ZNF131: variants seen among roughly 807,000 people sequenced by gnomAD.
ZNF131 encodes the protein zinc finger and BTB domain containing 35.
In ZNF131, 7 loss-of-function variants were observed where a neutral mutation model predicts 60.0. That is an observed-to-expected ratio of 0.12 (90% CI 0.07 to 0.22). ZNF131 has a LOEUF of 0.22. Ranked by LOEUF, ZNF131 falls within the 10% of genes least tolerant of loss-of-function variation. ZNF131 has a pLI of 1.00. For synonymous variants in ZNF131, 257 were observed against 253.2 expected, an observed-to-expected ratio of 1.01 and a Z score of -0.14; for missense variants, 493 against 740.9, an observed-to-expected ratio of 0.67 and a Z score of 3.88.
At chr5:43,130,199 G>A (rs977877214) in intron 3 of ZNF131, among the ~76,000 whole-genome samples, 1 of 146,056 alleles carries the variant, frequency 6.8e-6, no homozygotes, top group African/African-American at 2.5e-5. Context: ...GAGAGGTGGA[G>A]ATTGCAGTGA....
At chr5:43,144,373 C>T (rs1305214165) in intron 4 of ZNF131, among the ~76,000 whole-genome samples, 1 of 149,986 alleles carries the variant, frequency 6.7e-6, no homozygotes, top group Non-Finnish European at 1.5e-5. Flanking sequence ...GGATTATAGG[C>T]GCTCACCACC....
chr5:43,143,014 T>G (rs34205479), intron 4 of ZNF131, among the ~76,000 whole-genome samples: 13,493 of 151,444 alleles, frequency 0.089, 802 homozygotes, highest in East Asian at 0.18. Flanking sequence ...TTTCTTTTTT[T>G]AATCTTTCAA....
chr5:43,145,172 G>A (rs1032098706), intron 4 of ZNF131, among the ~76,000 whole-genome samples: 3 of 151,898 alleles, frequency 2.0e-5, no homozygotes, highest in South Asian at 2.1e-4. Flanking sequence ...TGTCCATTCC[G>A]TCATAAGCCT....
intron 3 of ZNF131, among the ~76,000 whole-genome samples, chr5:43,128,656 C>CA (rs1170687481): frequency 0.018 from 1,285 of 69,868 alleles, 38 homozygotes; most frequent in African/African-American, 0.057. Flanking sequence ...GACTCCATCT[C>CA]AAAAAAAAAA....
chr5:43,164,625 A>G (rs1218917104), intron 5 of ZNF131, among the ~76,000 whole-genome samples: 2 of 152,160 alleles, frequency 1.3e-5, no homozygotes, highest in Admixed American at 1.3e-4. Context: ...AACATTGCCT[A>G]CTGACTTTTA....
At chr5:43,150,742 A>T (rs1362919343) in intron 4 of ZNF131, among the ~76,000 whole-genome samples, 2 of 152,054 alleles carry the variant, frequency 1.3e-5, no homozygotes, top group Non-Finnish European at 2.9e-5. Flanking sequence ...GCGCCATTGC[A>T]CTCTGGCTTG....
intron 4 of ZNF131, 92 bp from the exon 5 acceptor site, chr5:43,161,157 T>C: frequency 8.6e-7 from 1 of 1,164,418 alleles, no homozygotes. Context: ...TAACTGTTTA[T>C]ATAAATTTTA....
chr5:43,136,650 C>CTTTTTTT (rs139991070), intron 3 of ZNF131, among the ~76,000 whole-genome samples: 2 of 122,528 alleles, frequency 1.6e-5, no homozygotes, highest in Admixed American at 9.3e-5. Flanking sequence ...TTTTCTTTTT[C>CTTTTTTT]TTTTTTTTTT....
intron 5 of ZNF131, among the ~76,000 whole-genome samples, chr5:43,164,829 AC>A (rs1336124547): frequency 1.3e-5 from 2 of 152,226 alleles, no homozygotes; most frequent in African/African-American, 4.8e-5. Flanking sequence ...TGAACCATAT[AC>A]CCATTGGAGG....
chr5:43,147,537 C>A (rs1425734915), intron 4 of ZNF131, among the ~76,000 whole-genome samples: 1 of 151,448 alleles, frequency 6.6e-6, no homozygotes, highest in East Asian at 1.9e-4. Flanking sequence ...CCTGCCTCAG[C>A]CTCCGGAGTA....
intron 3 of ZNF131, among the ~76,000 whole-genome samples, chr5:43,128,682 C>T (rs545258172): frequency 2.1e-4 from 30 of 144,032 alleles, no homozygotes; most frequent in African/African-American, 7.2e-4. Context: ...AAAAAACACA[C>T]CTGGGGTGCT....
chr5:43,165,401 T>A (rs1237467338), intron 5 of ZNF131, among the ~76,000 whole-genome samples: 2 of 152,180 alleles, frequency 1.3e-5, no homozygotes, highest in Admixed American at 6.5e-5. Flanking sequence ...TTAATAAGAC[T>A]GGAAAGTCAA....
chr5:43,123,633 A>G (rs989784127), intron 3 of ZNF131: 2 of 203,812 alleles, frequency 9.8e-6, no homozygotes, highest in South Asian at 8.4e-5. Context: ...GTGAATTACT[A>G]TCTTTGTTCA....
rs767756270 is a variant in ZNF131 at position 43,122,027 on chromosome 5, C to T, written c.-15-12C>T. 11 of 1,612,790 alleles carry T rather than the reference C, an allele frequency of 6.8e-6. No homozygotes were observed. Among genetic ancestry groups the T allele is most frequent in the African/African-American group, 1.3e-5 (1 of 74,814 alleles). On this transcript the variant is annotated splice_polypyrimidine_tract_variant and intron_variant, in intron 1 of 6. Coordinates refer to ENST00000682664, the MANE Select transcript of ZNF131 (RefSeq NM_001330707.2). The stretch of plus-strand genomic sequence containing the variant: ...GCTCATGGGTGTACATTATCATGCT[C>T]TTCTTTTGTAGAGCAGCCCGACGGC...
At chr5:43,153,041 A>G (rs1748519481) in intron 4 of ZNF131, among the ~76,000 whole-genome samples, 1 of 152,096 alleles carries the variant, frequency 6.6e-6, no homozygotes, top group Non-Finnish European at 1.5e-5. Flanking sequence ...CAGACCTTTC[A>G]TCTGGTAAGG....
At chr5:43,174,405 T>G (rs1751353568) in intron 6 of ZNF131, 42 bp from the exon 7 acceptor site, 1 of 1,458,936 alleles carries the variant, frequency 6.9e-7, no homozygotes, top group South Asian at 1.5e-5. Flanking sequence ...TCCTTCAGTT[T>G]GGATATAAGT....
chr5:43,171,148 A>G (rs1399309397), intron 5 of ZNF131, among the ~76,000 whole-genome samples: 1 of 151,722 alleles, frequency 6.6e-6, no homozygotes, highest in African/African-American at 2.4e-5. Flanking sequence ...GGGTTTCACT[A>G]TGTTGGTCAG....
At chr5:43,146,991 C>G (rs370340471) in intron 4 of ZNF131, among the ~76,000 whole-genome samples, 2 of 152,260 alleles carry the variant, frequency 1.3e-5, no homozygotes, top group African/African-American at 4.8e-5. Context: ...AGAAGCTTGT[C>G]TCATGATTGT....
At chr5:43,136,858 A>G (rs1282650287) in intron 3 of ZNF131, among the ~76,000 whole-genome samples, 1 of 152,014 alleles carries the variant, frequency 6.6e-6, no homozygotes, top group Non-Finnish European at 1.5e-5. Context: ...ACTAGCTTAA[A>G]GAGACATACA....
Sources: allele counts gnomAD v4.1 joint callset (sites outside exome capture counted in the v4.1 genomes callset), GRCh38; gene constraint gnomAD v4.1.1; transcripts MANE v1.5; gene names NCBI Gene and HGNC (gene_info 2026-07-23, HGNC 2026-07-21).